MYO9A: variants seen among roughly 807,000 people sequenced by gnomAD.
MYO9A encodes the protein myosin IXA, also known as unconventional myosin-IXa.
In MYO9A, 103 loss-of-function variants were observed where a neutral mutation model predicts 293.3. That is an observed-to-expected ratio of 0.35 (90% CI 0.30 to 0.41). MYO9A has a LOEUF of 0.41. Among genes scored for constraint, MYO9A ranks in the 10% least tolerant of loss-of-function variants. The pLI is 1.00. For missense variants in MYO9A, 2,685 were observed against 3,033.0 expected, an observed-to-expected ratio of 0.89 and a Z score of 2.69; for synonymous variants, 1,001 against 1,035.7, an observed-to-expected ratio of 0.97 and a Z score of 0.64.
chr15:72,091,412 G>A (rs1349214364), intron 1 of MYO9A, among the ~76,000 whole-genome samples: 2 of 151,470 alleles, frequency 1.3e-5, no homozygotes, highest in Non-Finnish European at 2.9e-5. Flanking sequence ...TGTCCTCTGT[G>A]ACTGAGACAT....
At chr15:72,046,677 T>C (rs1025996207) in intron 1 of MYO9A, 43 bp from the exon 2 acceptor site, 12 of 1,287,790 alleles carry the variant, frequency 9.3e-6, no homozygotes, top group East Asian at 2.4e-5. Context: ...TAAATACACA[T>C]TGCTTTCTGA....
At chr15:72,031,848 A>G (rs1486705405) in intron 3 of MYO9A, among the ~76,000 whole-genome samples, 1 of 152,180 alleles carries the variant, frequency 6.6e-6, no homozygotes, top group African/African-American at 2.4e-5. Context: ...ATATAATAAT[A>G]TGGTTATATA....
chr15:71,844,347 CTATA>C (rs1267170172), intron 39 of MYO9A, among the ~76,000 whole-genome samples: 3 of 152,154 alleles, frequency 2.0e-5, no homozygotes, highest in African/African-American at 7.2e-5. Flanking sequence ...CTAAGGAAGT[CTATA>C]TATGATTCTA....
chr15:71,888,887 G>A (rs2057096389), intron 26 of MYO9A, among the ~76,000 whole-genome samples: 1 of 152,128 alleles, frequency 6.6e-6, no homozygotes, highest in Non-Finnish European at 1.5e-5. Flanking sequence ...GAAGTAATAG[G>A]GATCTGGTCT....
rs145571869 is a variant in MYO9A, at chr15:71,958,522, G to T, written c.2182+1379C>A. On this transcript the variant is annotated intron_variant, in intron 14 of 41. Transcript: ENST00000356056. ...GAGTTTTTCTTTTCCTTTATAAAAA[G>T]TAAAAATTTTAAAGTTTTTTCCAAG... 6 of 152,184 alleles carry T rather than the reference G, an allele frequency of 3.9e-5. No individual in the cohort carries two copies. The East Asian group carries it at 1.2e-3, about 29-fold the overall frequency. The allele number at this position is 152,184 out of a possible 1,614,324, so 9.4% of individuals were successfully genotyped here.
chr15:71,955,095 A>C (rs1477306841), intron 14 of MYO9A, among the ~76,000 whole-genome samples: 1 of 151,806 alleles, frequency 6.6e-6, no homozygotes, highest in Non-Finnish European at 1.5e-5. Context: ...TCCCACCAGA[A>C]GTAATCAAGT....
At chr15:71,929,664 A>G (rs954110987) in intron 18 of MYO9A, among the ~76,000 whole-genome samples, 1 of 152,182 alleles carries the variant, frequency 6.6e-6, no homozygotes, top group African/African-American at 2.4e-5. Flanking sequence ...TGATCCTTTC[A>G]ATGTCGTATT....
intron 25 of MYO9A, 159 bp downstream of exon 25, chr15:71,897,302 C>T: frequency 2.7e-6 from 2 of 752,830 alleles, no homozygotes. Flanking sequence ...CATCCAACTT[C>T]AGGTGATGGT....
chr15:72,085,843 T>C (rs1239017565), intron 1 of MYO9A, among the ~76,000 whole-genome samples: 1 of 152,202 alleles, frequency 6.6e-6, no homozygotes, highest in African/African-American at 2.4e-5. Flanking sequence ...GAGGGTTTGA[T>C]TGTGGTATAT....
intron 39 of MYO9A, among the ~76,000 whole-genome samples, chr15:71,831,077 CAT>C (rs1444191560): frequency 7.3e-6 from 1 of 137,776 alleles, no homozygotes; most frequent in Non-Finnish European, 1.5e-5. Flanking sequence ...TGCTAAGAAA[CAT>C]AAAAACTCAA....
At chr15:71,956,330 A>AAAAATATATATATAT (rs10642655) in intron 14 of MYO9A, among the ~76,000 whole-genome samples, 6 of 75,580 alleles carry the variant, frequency 7.9e-5, no homozygotes, top group African/African-American at 3.6e-4. Context: ...AAAAAAAAAA[A>AAAAATATATATATAT]ATATATATAT....
intron 11 of MYO9A, among the ~76,000 whole-genome samples, chr15:71,986,141 T>C (rs552338192): frequency 6.6e-6 from 1 of 152,184 alleles, no homozygotes; most frequent in Admixed American, 6.5e-5. Context: ...ATGCAAAAAA[T>C]ATAAACTTAG....
chr15:71,911,636 C>T (rs1007735110), intron 19 of MYO9A, among the ~76,000 whole-genome samples: 1 of 152,170 alleles, frequency 6.6e-6, no homozygotes, highest in Non-Finnish European at 1.5e-5. Flanking sequence ...CACAAAACTT[C>T]TTTTAAAAAA....
intron 3 of MYO9A, among the ~76,000 whole-genome samples, chr15:72,029,634 C>T (rs1285247075): frequency 1.3e-5 from 2 of 152,124 alleles, no homozygotes; most frequent in African/African-American, 2.4e-5. Context: ...GGACGGACTA[C>T]GATCAAGAGC....
chr15:72,114,301 C>CA (rs2080888703), intron 1 of MYO9A: 2 of 152,218 alleles, frequency 1.3e-5, no homozygotes, highest in Admixed American at 1.3e-4. Context: ...GAGGGCATGA[C>CA]AAGAGGCAGA....
chr15:72,034,858 G>A (rs1297651110), intron 2 of MYO9A, among the ~76,000 whole-genome samples: 2 of 152,180 alleles, frequency 1.3e-5, no homozygotes, highest in East Asian at 3.8e-4. Flanking sequence ...AATGTCAACA[G>A]CAAATCAGAA....
intron 1 of MYO9A, among the ~76,000 whole-genome samples, chr15:72,088,699 T>G (rs2079817249): frequency 6.6e-6 from 1 of 152,196 alleles, no homozygotes; most frequent in South Asian, 2.1e-4. Context: ...AATATATATA[T>G]GTATATGCTA....
At position 71,935,263 on chromosome 15, in the gene MYO9A, A is replaced by AT. The variant is rs536993604; in HGVS notation, c.2522+77dup. The AT allele has an allele frequency of 2.8e-6, 4 of 1,410,312 alleles. No individual in the cohort carries two copies. The African/African-American group carries it at 4.3e-5, about 15-fold the overall frequency. The allele number at this position is 1,410,312 out of a possible 1,614,324, so 87.4% of individuals were successfully genotyped here. The stretch of plus-strand genomic sequence containing the variant: ...TAACATTTCACCATCTTCCTTCTTC[A>AT]TTTTTTTCTGCCAGAAATTTTAAAC... On this transcript the variant is annotated intron_variant, in intron 17 of 41. Transcript: ENST00000356056.
intron 12 of MYO9A, among the ~76,000 whole-genome samples, chr15:71,969,603 TTCG>T (rs1389136090): frequency 1.3e-5 from 2 of 152,206 alleles, no homozygotes; most frequent in East Asian, 3.8e-4. Context: ...GGATGCTCAC[TTCG>T]TCGTCTCTAG....
Sources: gnomAD v4.1 joint callset for allele counts (sites outside exome capture counted in the v4.1 genomes callset) on GRCh38, gnomAD v4.1.1 for gene constraint, MANE v1.5 for transcripts, NCBI Gene and HGNC (gene_info 2026-07-23, HGNC 2026-07-21) for gene names.